AKT3: variants seen among roughly 807,000 people sequenced by gnomAD.
The protein encoded by AKT3 is AKT serine/threonine kinase 3, also known as RAC-gamma serine/threonine-protein kinase.
In AKT3, 15 loss-of-function variants were observed where a neutral mutation model predicts 65.3. That is an observed-to-expected ratio of 0.23 (90% CI 0.15 to 0.35). AKT3 has a LOEUF of 0.35. Among genes scored for constraint, AKT3 ranks in the 10% least tolerant of loss-of-function variants. The pLI, the probability that AKT3 is intolerant of heterozygous loss-of-function variation, is 1.00. For synonymous variants in AKT3, 206 were observed against 183.8 expected, an observed-to-expected ratio of 1.12 and a Z score of -0.98; for missense variants, 243 against 576.5, an observed-to-expected ratio of 0.42 and a Z score of 5.92.
At chr1:243,771,220 C>T (rs1157638781) in intron 2 of AKT3, among the ~76,000 whole-genome samples, 1 of 152,100 alleles carries the variant, frequency 6.6e-6, no homozygotes, top group East Asian at 1.9e-4. Flanking sequence ...GTTAACTATT[C>T]CTTTCCTATT....
At chr1:243,777,768 A>G (rs1572333308) in intron 2 of AKT3, among the ~76,000 whole-genome samples, 1 of 152,180 alleles carries the variant, frequency 6.6e-6, no homozygotes, top group Non-Finnish European at 1.5e-5. Context: ...ACATTACACA[A>G]AGCATAAAAT....
chr1:243,623,807 A>G (rs1392269984), intron 6 of AKT3, among the ~76,000 whole-genome samples: 1 of 152,152 alleles, frequency 6.6e-6, no homozygotes, highest in Non-Finnish European at 1.5e-5. Flanking sequence ...CCATAATCAC[A>G]TGAGCCAATT....
intron 2 of AKT3, among the ~76,000 whole-genome samples, chr1:243,714,396 G>A (rs1370697986): frequency 6.6e-6 from 1 of 152,130 alleles, no homozygotes; most frequent in East Asian, 1.9e-4. Flanking sequence ...CAAGTTCATT[G>A]GAGTGTTTCT....
intron 12 of AKT3, among the ~76,000 whole-genome samples, chr1:243,530,076 G>A (rs1262562844): frequency 6.6e-6 from 1 of 152,064 alleles, no homozygotes; most frequent in African/African-American, 2.4e-5. Flanking sequence ...GAATAGGATT[G>A]CATTCTTGAT....
rs1691956234 is a variant in AKT3 at position 243,795,706 on chromosome 1, C to T, written c.46+47419G>A. 2.0e-5 allele frequency among the ~76,000 whole-genome samples: 3 copies of T among 151,682 alleles called. No individual in the cohort carries two copies. The South Asian group carries it at 6.3e-4, about 32-fold the overall frequency. On this transcript the variant is annotated intron_variant, in intron 2 of 13. Coordinates refer to ENST00000673466, the MANE Select transcript of AKT3 (RefSeq NM_005465.7). ...CGGGATGGTCTCGATCTCCTGACCTCGTGATCCACCCGCCTCGGCCTCCCA... is the reference window on the plus strand; with the variant it reads ...CGGGATGGTCTCGATCTCCTGACCTTGTGATCCACCCGCCTCGGCCTCCCA...
chr1:243,753,644 G>A (rs1265763846), intron 2 of AKT3, among the ~76,000 whole-genome samples: 1 of 152,184 alleles, frequency 6.6e-6, no homozygotes, highest in Non-Finnish European at 1.5e-5. Context: ...AAGGTTGGTA[G>A]AGAAATGAAT....
At chr1:243,576,554 T>A (rs1475441876) in intron 8 of AKT3, among the ~76,000 whole-genome samples, 1 of 152,164 alleles carries the variant, frequency 6.6e-6, no homozygotes, top group Non-Finnish European at 1.5e-5. Context: ...AGAAAATCAA[T>A]GTGCAAAAGT....
At chr1:243,806,144 C>G (rs1692710070) in intron 2 of AKT3, among the ~76,000 whole-genome samples, 1 of 152,100 alleles carries the variant, frequency 6.6e-6, no homozygotes. Context: ...TGCCACACAC[C>G]CATCACCCAA....
At chr1:243,758,031 G>A (rs886691985) in intron 2 of AKT3, among the ~76,000 whole-genome samples, 2 of 152,128 alleles carry the variant, frequency 1.3e-5, no homozygotes, top group African/African-American at 4.8e-5. Flanking sequence ...CCAAAGTGCT[G>A]GGATCACGGG....
chr1:243,805,301 T>C (rs1357521025), intron 2 of AKT3, among the ~76,000 whole-genome samples: 2 of 152,132 alleles, frequency 1.3e-5, no homozygotes, highest in Non-Finnish European at 2.9e-5. Context: ...ATTAACCCCA[T>C]CACCTATGTT....
intron 3 of AKT3, among the ~76,000 whole-genome samples, chr1:243,673,961 T>G (rs1683330528): frequency 6.6e-6 from 1 of 152,204 alleles, no homozygotes; most frequent in South Asian, 2.1e-4. Context: ...AAACTGGGAT[T>G]TGATAACAAA....
intron 8 of AKT3, among the ~76,000 whole-genome samples, chr1:243,583,558 A>C (rs1675574261): frequency 1.8e-5 from 1 of 54,784 alleles, no homozygotes; most frequent in South Asian, 6.1e-4. Context: ...AAAAAAAAAG[A>C]AAAAAAAAAG....
chr1:243,736,742 A>G (rs933272554), intron 2 of AKT3, among the ~76,000 whole-genome samples: 4 of 152,190 alleles, frequency 2.6e-5, no homozygotes, highest in Admixed American at 2.6e-4. Flanking sequence ...GATTTGAAAC[A>G]AAACAGACGT....
At chr1:243,669,800 A>G (rs577456244) in intron 3 of AKT3, among the ~76,000 whole-genome samples, 2 of 152,338 alleles carry the variant, frequency 1.3e-5, no homozygotes, top group East Asian at 3.9e-4. Context: ...AGATCACTGA[A>G]AAGGAATGGC....
chr1:243,774,276 T>C (rs1348689530), intron 2 of AKT3, among the ~76,000 whole-genome samples: 3 of 152,214 alleles, frequency 2.0e-5, no homozygotes, highest in East Asian at 1.9e-4. Context: ...CTTTTCCACA[T>C]AGTTCCACAT....
chr1:243,850,355 AGAG>A (rs1695726422), upstream of AKT3, among the ~76,000 whole-genome samples: 3 of 148,376 alleles, frequency 2.0e-5, no homozygotes, highest in South Asian at 2.2e-4. Flanking sequence ...GGCGGCGGGG[AGAG>A]GAGGAGGCGG....
At chr1:243,497,240 T>C (rs945256903), downstream of AKT3, among the ~76,000 whole-genome samples, 1 of 149,376 alleles carries the variant, frequency 6.7e-6, no homozygotes, top group Non-Finnish European at 1.5e-5. Flanking sequence ...AGTCAGCAAA[T>C]GGAGGCGACA....
At chr1:243,544,507 A>C (rs972519848) in intron 12 of AKT3, among the ~76,000 whole-genome samples, 6 of 152,004 alleles carry the variant, frequency 3.9e-5, no homozygotes, top group Non-Finnish European at 8.8e-5. Flanking sequence ...AGTCCGAGCT[A>C]CTTGGTAGGC....
At chr1:243,509,596 C>T (rs890680393) in intron 13 of AKT3, among the ~76,000 whole-genome samples, 10 of 152,162 alleles carry the variant, frequency 6.6e-5, no homozygotes, top group Non-Finnish European at 1.0e-4. Context: ...CTGAGCATCG[C>T]ATTAGTCAGC....
Sources: allele counts gnomAD v4.1 joint callset (sites outside exome capture counted in the v4.1 genomes callset), GRCh38; gene constraint gnomAD v4.1.1; transcripts MANE v1.5; gene names NCBI Gene and HGNC (gene_info 2026-07-23, HGNC 2026-07-21).